The following IL1RAPL2 variants were observed in gnomAD, a reference collection of about 807,000 sequenced individuals.
IL1RAPL2 encodes the protein interleukin 1 receptor accessory protein like 2.
Under a neutral mutation model 44.1 loss-of-function variants are expected in IL1RAPL2, and 3 were observed. That is an observed-to-expected ratio of 0.07 (90% CI 0.03 to 0.18). IL1RAPL2 has a LOEUF of 0.18. IL1RAPL2 is among the 10% of genes least tolerant of loss of function. The pLI, the probability that IL1RAPL2 is intolerant of heterozygous loss-of-function variation, is 1.00. For synonymous variants in IL1RAPL2, 181 were observed against 178.8 expected (o/e 1.01, Z -0.10); for missense variants, 391 against 496.4 (o/e 0.79, Z 2.02).
chrX:104,778,238 G>T (rs918208147), intron 2 of IL1RAPL2, among the ~76,000 whole-genome samples: 1 of 109,757 alleles, frequency 9.1e-6, no homozygotes, highest in Non-Finnish European at 1.9e-5. Flanking sequence ...ACACATTCTA[G>T]GTGTTAGCCC....
chrX:104,895,661 C>A (rs1302598142), intron 2 of IL1RAPL2, among the ~76,000 whole-genome samples: 1 of 111,745 alleles, frequency 8.9e-6, no homozygotes, highest in Non-Finnish European at 1.9e-5. Context: ...GGGAGTGGCC[C>A]GATTTTCCAG....
At chrX:105,323,461 G>A (rs1439634039) in intron 5 of IL1RAPL2, among the ~76,000 whole-genome samples, 2 of 111,734 alleles carry the variant, frequency 1.8e-5, no homozygotes, top group Non-Finnish European at 3.8e-5. Flanking sequence ...TCAGTGCTGT[G>A]CGCATTATAT....
At chrX:105,102,533 T>C (rs1389489719) in intron 2 of IL1RAPL2, among the ~76,000 whole-genome samples, 1 of 112,189 alleles carries the variant, frequency 8.9e-6, no homozygotes, top group Non-Finnish European at 1.9e-5. Context: ...TATATACATA[T>C]GTGTACACAC....
intron 5 of IL1RAPL2, among the ~76,000 whole-genome samples, chrX:105,475,710 A>G (rs772681420): frequency 9.0e-6 from 1 of 110,555 alleles, no homozygotes; most frequent in South Asian, 3.9e-4. Context: ...CAAAACTACC[A>G]TCATAACCAC....
intron 2 of IL1RAPL2, among the ~76,000 whole-genome samples, chrX:104,714,209 A>G (rs1931513058): frequency 9.0e-6 from 1 of 111,115 alleles, no homozygotes; most frequent in African/African-American, 3.3e-5. Flanking sequence ...TTCAAGGGGA[A>G]TGCTTCCAGC....
chrX:105,278,660 C>T (rs2147662265), intron 5 of IL1RAPL2, among the ~76,000 whole-genome samples: 1 of 112,027 alleles, frequency 8.9e-6, no homozygotes, highest in South Asian at 3.8e-4. Context: ...CAAAGCTTCT[C>T]ACAACCTCAA....
chrX:104,730,372 T>TC (rs1931882531), intron 2 of IL1RAPL2, among the ~76,000 whole-genome samples: 2 of 31,973 alleles, frequency 6.3e-5, no homozygotes, highest in East Asian at 1.4e-3. Flanking sequence ...ATCCCTCCCC[T>TC]CCCCCCCACC....
intron 2 of IL1RAPL2, among the ~76,000 whole-genome samples, chrX:104,691,092 G>GT (rs1480236780): frequency 7.1e-5 from 8 of 112,181 alleles, no homozygotes; most frequent in African/African-American, 2.6e-4. Context: ...TCGGTAGATT[G>GT]TAAGATCTGC....
chrX:104,595,647 G>T (rs747760258), intron 1 of IL1RAPL2, among the ~76,000 whole-genome samples: 2 of 111,824 alleles, frequency 1.8e-5, no homozygotes, highest in Non-Finnish European at 3.8e-5. Context: ...GGAATTAAAA[G>T]ATCTCTTACA....
At chrX:104,992,126 C>T (rs1234749586) in intron 2 of IL1RAPL2, among the ~76,000 whole-genome samples, 1 of 110,875 alleles carries the variant, frequency 9.0e-6, no homozygotes, top group Non-Finnish European at 1.9e-5. Flanking sequence ...GAAGACAATG[C>T]TAGAAATTTA....
At chrX:105,093,369 T>G (rs192750060) in intron 2 of IL1RAPL2, among the ~76,000 whole-genome samples, 1 of 111,851 alleles carries the variant, frequency 8.9e-6, no homozygotes, top group African/African-American at 3.2e-5. Flanking sequence ...ATTAACATCA[T>G]TTGATGAGAT....
At chrX:105,113,242 C>A (rs1345034236) in intron 2 of IL1RAPL2, among the ~76,000 whole-genome samples, 1 of 112,367 alleles carries the variant, frequency 8.9e-6, no homozygotes, top group Non-Finnish European at 1.9e-5. Context: ...CTGGGGAGTT[C>A]CATTAAGGAT....
chrX:105,115,263 G>A (rs915549356), intron 2 of IL1RAPL2, among the ~76,000 whole-genome samples: 1 of 111,648 alleles, frequency 9.0e-6, no homozygotes, highest in Non-Finnish European at 1.9e-5. Flanking sequence ...CCCAAACAGT[G>A]AGCAGTAGCA....
intron 2 of IL1RAPL2, among the ~76,000 whole-genome samples, chrX:104,982,568 T>C (rs2030461921): frequency 9.0e-6 from 1 of 110,970 alleles, no homozygotes; most frequent in Non-Finnish European, 1.9e-5. Flanking sequence ...CAGGTTGAAA[T>C]GAATAAAAGT....
intron 2 of IL1RAPL2, among the ~76,000 whole-genome samples, chrX:104,904,176 G>T (rs1923901984): frequency 9.1e-6 from 1 of 109,793 alleles, no homozygotes; most frequent in African/African-American, 3.3e-5. Flanking sequence ...TGGGTAAGTT[G>T]TTCCTCTCTT....
intron 6 of IL1RAPL2, among the ~76,000 whole-genome samples, chrX:105,586,966 A>T (rs2037133831): frequency 8.9e-6 from 1 of 112,074 alleles, no homozygotes; most frequent in Admixed American, 9.5e-5. Context: ...CTTGTTTCTC[A>T]ACCTGGATGC....
chrX:105,373,694 A>G (rs1347095707), intron 5 of IL1RAPL2, among the ~76,000 whole-genome samples: 1 of 111,313 alleles, frequency 9.0e-6, no homozygotes, highest in Non-Finnish European at 1.9e-5. Flanking sequence ...TGATTTTTGT[A>G]TATAGTATAA....
At chrX:104,733,592 C>G (rs1449896728) in intron 2 of IL1RAPL2, among the ~76,000 whole-genome samples, 1 of 106,866 alleles carries the variant, frequency 9.4e-6, no homozygotes, top group Non-Finnish European at 1.9e-5. Context: ...TGCATTCCAG[C>G]CTGAGTGACA....
At chrX:105,159,203 A>G (rs1020472504) in intron 2 of IL1RAPL2, among the ~76,000 whole-genome samples, 23 of 112,860 alleles carry the variant, frequency 2.0e-4, no homozygotes, top group Non-Finnish European at 3.7e-4. Flanking sequence ...TAAGAAGTGG[A>G]TCAGCCTTTT....
Sources: gnomAD v4.1 joint callset for allele counts (sites outside exome capture counted in the v4.1 genomes callset) on GRCh38, gnomAD v4.1.1 for gene constraint, MANE v1.5 for transcripts, NCBI Gene and HGNC (gene_info 2026-07-23, HGNC 2026-07-21) for gene names.